PRKAR2A: variants seen among roughly 807,000 people sequenced by gnomAD.
PRKAR2A encodes the protein protein kinase cAMP-dependent type II regulatory subunit alpha, also known as cAMP-dependent protein kinase type II-alpha regulatory subunit.
PRKAR2A carries 29 observed loss-of-function variants against 51.9 expected under a neutral mutation model. The ratio of observed to expected loss-of-function variants is 0.56; its 90% CI spans 0.42 to 0.76. The LOEUF (loss-of-function observed/expected upper bound fraction) is 0.76, where lower values mean the gene tolerates loss of function less well. PRKAR2A is among the 30% of genes least tolerant of loss of function. The pLI is 0.00. For synonymous variants in PRKAR2A, 178 were observed against 186.2 expected (o/e 0.96, Z 0.36); for missense variants, 445 against 512.1 (o/e 0.87, Z 1.26).
chr3:48,810,525 G>A (rs2082754247), intron 1 of PRKAR2A, among the ~76,000 whole-genome samples: 1 of 151,840 alleles, frequency 6.6e-6, no homozygotes, highest in African/African-American at 2.4e-5. Context: ...TTGCTTTTTG[G>A]AACTTTGTGG....
intron 1 of PRKAR2A, among the ~76,000 whole-genome samples, chr3:48,809,071 G>A (rs567336153): frequency 3.9e-5 from 6 of 152,296 alleles, no homozygotes; most frequent in African/African-American, 9.6e-5. Context: ...GTGAACCACC[G>A]CGCCTGGCCA....
chr3:48,755,025 T>C (rs1261014540), intron 9 of PRKAR2A, among the ~76,000 whole-genome samples: 1 of 140,064 alleles, frequency 7.1e-6, no homozygotes, highest in Non-Finnish European at 1.5e-5. Flanking sequence ...TGAGACAGAG[T>C]CTTGCTCTGT....
chr3:48,779,780 A>AAAATAAATAAAT (rs199753996), intron 5 of PRKAR2A, among the ~76,000 whole-genome samples: 4 of 136,006 alleles, frequency 2.9e-5, no homozygotes, highest in Non-Finnish European at 4.6e-5. Context: ...ACTCCGTCTC[A>AAAATAAATAAAT]AAATAAATAA....
chr3:48,788,465 C>T (rs2082331116), intron 4 of PRKAR2A, among the ~76,000 whole-genome samples: 1 of 152,202 alleles, frequency 6.6e-6, no homozygotes, highest in Non-Finnish European at 1.5e-5. Flanking sequence ...GCCCCCATGC[C>T]TGGCCTCATT....
intron 4 of PRKAR2A, among the ~76,000 whole-genome samples, chr3:48,788,089 G>C (rs1276710798): frequency 6.6e-6 from 1 of 152,120 alleles, no homozygotes; most frequent in Non-Finnish European, 1.5e-5. Context: ...GGAGTTCAGT[G>C]GTATGATCTC....
At chr3:48,805,123 A>G (rs1167880328) in intron 2 of PRKAR2A, among the ~76,000 whole-genome samples, 1 of 151,836 alleles carries the variant, frequency 6.6e-6, no homozygotes, top group African/African-American at 2.4e-5. Flanking sequence ...GTGTTGCCCC[A>G]GCTGGTCTCA....
At chr3:48,755,358 T>C (rs1278935128) in intron 9 of PRKAR2A, among the ~76,000 whole-genome samples, 1 of 151,948 alleles carries the variant, frequency 6.6e-6, no homozygotes, top group East Asian at 1.9e-4. Context: ...CTTAGTATTA[T>C]ATATAACTGT....
In PRKAR2A at chr3:48,815,239, T is replaced by C. The variant is rs1458457929; in HGVS notation, c.263-7555A>G. Among the ~76,000 whole-genome samples, 6 of 152,016 alleles carry C rather than the reference T, an allele frequency of 3.9e-5. No homozygotes were observed. The East Asian group carries it at 9.7e-4, about 24-fold the overall frequency. On this transcript the variant is annotated intron_variant, in intron 1 of 10. Transcript: ENST00000265563. ...TTCAATTTACCAGTTCTAAAGCCCC[T>C]TGATATTCAAACAGTGCTGGCATGG...
chr3:48,846,634 G>A (rs1343054193), intron 1 of PRKAR2A, among the ~76,000 whole-genome samples: 1 of 152,156 alleles, frequency 6.6e-6, no homozygotes, highest in African/African-American at 2.4e-5. Flanking sequence ...TAGACTATAG[G>A]GGCCCACTGC....
chr3:48,837,229 A>C (rs2083301296), intron 1 of PRKAR2A, among the ~76,000 whole-genome samples: 1 of 152,200 alleles, frequency 6.6e-6, no homozygotes, highest in South Asian at 2.1e-4. Context: ...GCATGAGCCC[A>C]GGATTTCAAG....
chr3:48,796,828 T>TA (rs1207737442), intron 2 of PRKAR2A, among the ~76,000 whole-genome samples: 1 of 152,174 alleles, frequency 6.6e-6, no homozygotes, highest in East Asian at 1.9e-4. Context: ...CATTTTTTTT[T>TA]AGTTTCCTTA....
intron 1 of PRKAR2A, among the ~76,000 whole-genome samples, chr3:48,837,459 A>G (rs1273952819): frequency 6.6e-6 from 1 of 152,222 alleles, no homozygotes; most frequent in Non-Finnish European, 1.5e-5. Context: ...ACGTTCAGAC[A>G]AGGATGTAGA....
At chr3:48,761,779 A>AT (rs1559604311) in intron 8 of PRKAR2A, among the ~76,000 whole-genome samples, 2 of 151,906 alleles carry the variant, frequency 1.3e-5, no homozygotes, top group Non-Finnish European at 2.9e-5. Flanking sequence ...AACTCAGCTA[A>AT]TTTTTTTTAT....
intron 1 of PRKAR2A, among the ~76,000 whole-genome samples, chr3:48,818,642 T>C (rs1470505342): frequency 6.6e-6 from 1 of 152,182 alleles, no homozygotes; most frequent in African/African-American, 2.4e-5. Context: ...CAGTGCCAGC[T>C]GCTTGGGAGG....
At chr3:48,755,289 C>T (rs528365058) in intron 9 of PRKAR2A, among the ~76,000 whole-genome samples, 3 of 152,104 alleles carry the variant, frequency 2.0e-5, no homozygotes, top group East Asian at 3.9e-4. Context: ...AGCCACCGTG[C>T]CCGGCTACTT....
chr3:48,844,057 A>G (rs1338490562), intron 1 of PRKAR2A, among the ~76,000 whole-genome samples: 2 of 150,624 alleles, frequency 1.3e-5, no homozygotes, highest in Admixed American at 6.6e-5. Context: ...GCAACCTACA[A>G]AATGGGAGAA....
intron 8 of PRKAR2A, among the ~76,000 whole-genome samples, chr3:48,762,819 G>A (rs937048419): frequency 3.3e-5 from 5 of 152,012 alleles, no homozygotes; most frequent in Non-Finnish European, 7.4e-5. Context: ...AAAAAGGAAC[G>A]ATCTACTGAT....
intron 1 of PRKAR2A, among the ~76,000 whole-genome samples, chr3:48,823,803 GA>G (rs929831807): frequency 7.0e-6 from 1 of 142,664 alleles, no homozygotes; most frequent in Non-Finnish European, 1.5e-5. Context: ...AAAAAAAAAA[GA>G]AAAAAAATCT....
chr3:48,824,078 T>C (rs567955533), intron 1 of PRKAR2A, among the ~76,000 whole-genome samples: 1 of 152,062 alleles, frequency 6.6e-6, no homozygotes, highest in East Asian at 1.9e-4. Context: ...CTGTCTCTAT[T>C]AAAAATACAA....
Sources: gnomAD v4.1 joint callset for allele counts (sites outside exome capture counted in the v4.1 genomes callset) on GRCh38, gnomAD v4.1.1 for gene constraint, MANE v1.5 for transcripts, NCBI Gene and HGNC (gene_info 2026-07-23, HGNC 2026-07-21) for gene names.